The following SPOCK1 variants were observed in gnomAD, a reference collection of about 807,000 sequenced individuals.
The protein encoded by SPOCK1 is testican-1.
Under a neutral mutation model 55.3 loss-of-function variants are expected in SPOCK1, and 23 were observed. The ratio of observed to expected loss-of-function variants is 0.42; its 90% confidence interval spans 0.30 to 0.59. SPOCK1 has a LOEUF of 0.59. Ranked by LOEUF, SPOCK1 falls within the 20% of genes least tolerant of loss-of-function variation. The pLI is 0.22. For missense variants in SPOCK1, 499 were observed against 552.5 expected, an observed-to-expected ratio of 0.90 and a Z score of 0.97; for synonymous variants, 226 against 221.0, an observed-to-expected ratio of 1.02 and a Z score of -0.20.
At chr5:137,244,249 A>T (rs1309448778) in intron 3 of SPOCK1, among the ~76,000 whole-genome samples, 2 of 152,240 alleles carry the variant, frequency 1.3e-5, no homozygotes, top group Non-Finnish European at 2.9e-5. Flanking sequence ...CTAGTGGCAC[A>T]GGGATCCACA....
intron 2 of SPOCK1, among the ~76,000 whole-genome samples, chr5:137,305,427 A>G (rs1757684623): frequency 6.6e-6 from 1 of 152,130 alleles, no homozygotes; most frequent in South Asian, 2.1e-4. Context: ...CTCATTTCCA[A>G]AGGTGGTCAC....
intron 2 of SPOCK1, among the ~76,000 whole-genome samples, chr5:137,447,841 G>A (rs1753161802): frequency 1.3e-5 from 2 of 152,142 alleles, no homozygotes; most frequent in Non-Finnish European, 2.9e-5. Flanking sequence ...CAGCAACCTC[G>A]AGGTAGGTGA....
At chr5:137,107,060 C>T (rs1019354942) in intron 5 of SPOCK1, among the ~76,000 whole-genome samples, 2 of 152,160 alleles carry the variant, frequency 1.3e-5, no homozygotes, top group African/African-American at 4.8e-5. Context: ...AAGAAGACTG[C>T]TTACACCTCC....
At chr5:137,279,124 A>T (rs1561491769) in intron 2 of SPOCK1, among the ~76,000 whole-genome samples, 1 of 152,122 alleles carries the variant, frequency 6.6e-6, no homozygotes, top group Non-Finnish European at 1.5e-5. Context: ...GAGCCCCTGG[A>T]GGGCTTATTT....
At chr5:137,390,997 G>A (rs979642335) in intron 2 of SPOCK1, among the ~76,000 whole-genome samples, 24 of 152,108 alleles carry the variant, frequency 1.6e-4, no homozygotes, top group Admixed American at 7.2e-4. Context: ...CCATCAACCC[G>A]TCATGTAGGT....
chr5:137,474,293 A>G (rs1753793601), intron 2 of SPOCK1, among the ~76,000 whole-genome samples: 1 of 152,222 alleles, frequency 6.6e-6, no homozygotes, highest in Non-Finnish European at 1.5e-5. Flanking sequence ...CAGTACGGTA[A>G]TTCCTAGACT....
intron 2 of SPOCK1, among the ~76,000 whole-genome samples, chr5:137,339,481 A>G (rs1012408953): frequency 1.3e-5 from 2 of 152,238 alleles, no homozygotes; most frequent in African/African-American, 4.8e-5. Flanking sequence ...CCTGCCCAAG[A>G]ACAGACCTAA....
chr5:137,024,838 C>T (rs998826436), intron 6 of SPOCK1, among the ~76,000 whole-genome samples: 1 of 151,976 alleles, frequency 6.6e-6, no homozygotes, highest in Non-Finnish European at 1.5e-5. Context: ...TTCACAAGAT[C>T]CAAGATGTGG....
intron 3 of SPOCK1, among the ~76,000 whole-genome samples, chr5:137,226,838 G>A (rs546662700): frequency 6.6e-6 from 1 of 152,274 alleles, no homozygotes; most frequent in African/African-American, 2.4e-5. Flanking sequence ...ACATGTTATA[G>A]TAATCATGTT....
intron 6 of SPOCK1, among the ~76,000 whole-genome samples, chr5:137,064,437 T>C (rs1752457082): frequency 6.6e-6 from 1 of 152,160 alleles, no homozygotes; most frequent in Non-Finnish European, 1.5e-5. Context: ...TATAAGACTG[T>C]AAACTCTCAT....
chr5:137,053,803 A>G (rs1270314619), intron 6 of SPOCK1, among the ~76,000 whole-genome samples: 1 of 152,118 alleles, frequency 6.6e-6, no homozygotes, highest in Non-Finnish European at 1.5e-5. Flanking sequence ...TTTCTTAGAA[A>G]TCTCTAGAAG....
intron 3 of SPOCK1, among the ~76,000 whole-genome samples, chr5:137,170,571 C>G (rs1754736188): frequency 6.8e-6 from 1 of 147,552 alleles, no homozygotes; most frequent in African/African-American, 2.5e-5. Flanking sequence ...AGGAGAGACA[C>G]GAATGAGCCT....
intron 2 of SPOCK1, among the ~76,000 whole-genome samples, chr5:137,459,610 C>T (rs937364511): frequency 5.3e-5 from 8 of 152,084 alleles, no homozygotes; most frequent in Non-Finnish European, 1.0e-4. Flanking sequence ...GAATATACTC[C>T]CACCCTGACC....
At chr5:137,358,379 C>T (rs1007587551) in intron 2 of SPOCK1, among the ~76,000 whole-genome samples, 2 of 111,120 alleles carry the variant, frequency 1.8e-5, no homozygotes, top group African/African-American at 6.7e-5. Flanking sequence ...CTCTTATTAC[C>T]TTCATGACGG....
intron 4 of SPOCK1, among the ~76,000 whole-genome samples, chr5:137,130,263 AT>A (rs1289837846): frequency 1.3e-5 from 2 of 151,992 alleles, no homozygotes; most frequent in Non-Finnish European, 2.9e-5. Context: ...TTAGATACTT[AT>A]TTTTTTTCAT....
At chr5:137,053,028 C>A (rs1752234366) in intron 6 of SPOCK1, among the ~76,000 whole-genome samples, 1 of 152,064 alleles carries the variant, frequency 6.6e-6, no homozygotes, top group Non-Finnish European at 1.5e-5. Context: ...TACCATGGGA[C>A]AATTTTTCTG....
intron 4 of SPOCK1, among the ~76,000 whole-genome samples, chr5:137,124,232 T>C (rs1334137787): frequency 6.6e-6 from 1 of 152,214 alleles, no homozygotes; most frequent in African/African-American, 2.4e-5. Flanking sequence ...TTTGCAGGTG[T>C]ATCCTGGGCT....
rs530715435 is a variant in SPOCK1, at chr5:137,166,825, A to G, written c.233-26131T>C. On this transcript the variant is annotated intron_variant, in intron 3 of 10. Coordinates refer to ENST00000394945, the MANE Select transcript of SPOCK1 (RefSeq NM_004598.4). ...AAAAAACATATGATGAATACACAAA[A>G]AACAAAAGGCAAGAAATTATATCAC... 2.3e-3 allele frequency among the ~76,000 whole-genome samples: 353 copies of G among 152,192 alleles called. 10 individuals are homozygous for G. The highest frequency in any genetic ancestry group is 0.01 in the Middle Eastern group (3 of 294).
intron 2 of SPOCK1, among the ~76,000 whole-genome samples, chr5:137,427,907 TAAA>T (rs75837887): frequency 1.9e-5 from 2 of 104,174 alleles, no homozygotes; most frequent in African/African-American, 7.7e-5. Context: ...AGACTCCGTC[TAAA>T]AAAAAAAAAA....
Sources: allele counts gnomAD v4.1 joint callset (sites outside exome capture counted in the v4.1 genomes callset), GRCh38; gene constraint gnomAD v4.1.1; transcripts MANE v1.5; gene names NCBI Gene and HGNC (gene_info 2026-07-23, HGNC 2026-07-21).